Variants in TENM2 observed in about 807,000 individuals in gnomAD.
TENM2 encodes the protein teneurin transmembrane protein 2, also known as teneurin-2.
In TENM2, 52 loss-of-function variants were observed where a neutral mutation model predicts 245.2. That is an observed-to-expected ratio of 0.21 (90% CI 0.17 to 0.27). TENM2 has a LOEUF of 0.27. Ranked by LOEUF, TENM2 falls within the 10% of genes least tolerant of loss-of-function variation. TENM2 has a pLI of 1.00. For missense variants in TENM2, 3,046 were observed against 3,666.8 expected, an observed-to-expected ratio of 0.83 and a Z score of 4.37; for synonymous variants, 1,363 against 1,438.9, an observed-to-expected ratio of 0.95 and a Z score of 1.19.
At chr5:167,647,225 C>T (rs1370539619) in intron 2 of TENM2, among the ~76,000 whole-genome samples, 3 of 152,114 alleles carry the variant, frequency 2.0e-5, no homozygotes, top group East Asian at 1.9e-4. Flanking sequence ...AGAGGGAAGG[C>T]TGGTGGAGTT....
chr5:167,415,158 G>A (rs911142481), intron 2 of TENM2, among the ~76,000 whole-genome samples: 10 of 151,934 alleles, frequency 6.6e-5, no homozygotes, highest in South Asian at 2.1e-4. Flanking sequence ...TGACAGGTCC[G>A]CCACAGGAAG....
In TENM2 at chr5:168,203,568, T is replaced by C. The variant is rs1212279232; in HGVS notation, c.3431-121T>C. On this transcript the variant is annotated intron_variant, in intron 17 of 28. Transcript: ENST00000518659. ...CAATCAGCCTGCCTCTTTGAGTGAGTTTTTGGAACAGAATCTGTATTACTG... is the reference window on the plus strand; with the variant it reads ...CAATCAGCCTGCCTCTTTGAGTGAGCTTTTGGAACAGAATCTGTATTACTG... The C allele has an allele frequency of 4.0e-6, 4 of 1,009,082 alleles. No homozygotes were observed. In the East Asian group the frequency reaches 8.2e-5, roughly 21 times the overall value. The allele number at this position is 1,009,082 out of a possible 1,614,324, so 62.5% of individuals were successfully genotyped here. A position where few individuals can be genotyped will look rare whatever the true frequency, so the allele number is the denominator to read the frequency against.
chr5:167,990,824 G>A (rs1377495545), intron 4 of TENM2, among the ~76,000 whole-genome samples: 1 of 152,128 alleles, frequency 6.6e-6, no homozygotes, highest in Admixed American at 6.6e-5. Flanking sequence ...TCTCTGTGAA[G>A]GATTAAAATA....
chr5:167,503,398 T>C (rs1462993652), intron 2 of TENM2, among the ~76,000 whole-genome samples: 1 of 151,518 alleles, frequency 6.6e-6, no homozygotes, highest in East Asian at 1.9e-4. Flanking sequence ...GGATAAAAAA[T>C]GGTACGGGAG....
At chr5:167,783,987 A>G (rs1764388817) in intron 2 of TENM2, among the ~76,000 whole-genome samples, 1 of 152,124 alleles carries the variant, frequency 6.6e-6, no homozygotes, top group Non-Finnish European at 1.5e-5. Flanking sequence ...AGATTGAGGG[A>G]TGCTTGGAAG....
At chr5:167,481,200 T>C (rs912021621) in intron 2 of TENM2, among the ~76,000 whole-genome samples, 7 of 152,220 alleles carry the variant, frequency 4.6e-5, no homozygotes. Flanking sequence ...TGCTGAAGTT[T>C]ACAAGAGATG....
At chr5:167,343,309 T>G (rs1398940610) in intron 1 of TENM2, among the ~76,000 whole-genome samples, 1 of 152,182 alleles carries the variant, frequency 6.6e-6, no homozygotes, top group Admixed American at 6.5e-5. Flanking sequence ...CCTTGAAAAA[T>G]TATACTGGAC....
chr5:167,000,403 A>G, the TENM2 span, among the ~76,000 whole-genome samples: 1 of 152,200 alleles, frequency 6.6e-6, no homozygotes, highest in Admixed American at 6.5e-5. Flanking sequence ...TATGAATCTC[A>G]TTTAAGAGTT....
At chr5:167,474,796 G>A (rs956486304) in intron 2 of TENM2, among the ~76,000 whole-genome samples, 3 of 152,178 alleles carry the variant, frequency 2.0e-5, no homozygotes, top group African/African-American at 2.4e-5. Flanking sequence ...GATTACAGGC[G>A]TGAGCCATTG....
At chr5:167,349,142 A>G (rs775902298) in intron 1 of TENM2, among the ~76,000 whole-genome samples, 5 of 152,188 alleles carry the variant, frequency 3.3e-5, no homozygotes, top group African/African-American at 9.7e-5. Context: ...GACCACTGCC[A>G]TCACTCCAAA....
At chr5:167,928,380 C>T (rs1053114907) in intron 3 of TENM2, among the ~76,000 whole-genome samples, 1 of 152,152 alleles carries the variant, frequency 6.6e-6, no homozygotes, top group Non-Finnish European at 1.5e-5. Flanking sequence ...TGAAGACATT[C>T]ATTTCCTCTA....
intron 2 of TENM2, among the ~76,000 whole-genome samples, chr5:167,494,938 CTA>C (rs1768707892): frequency 6.6e-6 from 1 of 151,982 alleles, no homozygotes; most frequent in Non-Finnish European, 1.5e-5. Context: ...TATACGGCCT[CTA>C]AAATTTATGA....
At chr5:167,696,323 T>G (rs1382511532) in intron 2 of TENM2, among the ~76,000 whole-genome samples, 1 of 152,216 alleles carries the variant, frequency 6.6e-6, no homozygotes, top group East Asian at 1.9e-4. Context: ...AACATACACA[T>G]TTCCTCTGAT....
intron 2 of TENM2, among the ~76,000 whole-genome samples, chr5:167,767,324 T>C (rs1763100452): frequency 6.6e-6 from 1 of 152,202 alleles, no homozygotes; most frequent in African/African-American, 2.4e-5. Context: ...ATGATTCTAC[T>C]TAAATGAGAC....
At chr5:167,515,172 G>A (rs76484431) in intron 2 of TENM2, among the ~76,000 whole-genome samples, 94 of 152,210 alleles carry the variant, frequency 6.2e-4, no homozygotes, top group African/African-American at 2.1e-3. Flanking sequence ...GATAGATAAT[G>A]TCATTGGCAA....
At chr5:167,408,737 G>A (rs899199377) in intron 2 of TENM2, among the ~76,000 whole-genome samples, 2 of 151,290 alleles carry the variant, frequency 1.3e-5, no homozygotes, top group African/African-American at 4.8e-5. Context: ...TATCAGCCAA[G>A]ACATAGTATT....
intron 2 of TENM2, among the ~76,000 whole-genome samples, chr5:167,560,486 A>C (rs1478781487): frequency 6.6e-6 from 1 of 152,124 alleles, no homozygotes; most frequent in African/African-American, 2.4e-5. Flanking sequence ...GGTAGTATGT[A>C]CACCAGAAAG....
At chr5:167,976,961 A>C (rs1341724697) in intron 4 of TENM2, among the ~76,000 whole-genome samples, 1 of 152,226 alleles carries the variant, frequency 6.6e-6, no homozygotes, top group East Asian at 1.9e-4. Context: ...GATGTGGTAC[A>C]TATACACCAT....
rs1380894083 is a variant in TENM2, at chr5:168,238,299, GAAAAA to G, written c.5521-6119_5521-6115del. On this transcript the variant is annotated intron_variant, in intron 25 of 28. Transcript: ENST00000518659. ...GAAAAGAAAAGAAAAGAAAAGAAAA[GAAAAA>G]ATCCCAGAAGACTGACCCGGAAAGA... is the stretch of plus-strand genomic sequence containing the variant. 2.6e-3 allele frequency among the ~76,000 whole-genome samples: 375 copies of G among 143,220 alleles called. 6 individuals are homozygous for G. The highest frequency in any genetic ancestry group is 8.0e-3 in the African/African-American group (307 of 38,154). 94.0% of individuals were successfully genotyped at this position (143,220 alleles called of 152,430 possible). A position where few individuals can be genotyped will look rare whatever the true frequency, so the allele number is the denominator to read the frequency against.
Sources: allele counts gnomAD v4.1 joint callset (sites outside exome capture counted in the v4.1 genomes callset), GRCh38; gene constraint gnomAD v4.1.1; transcripts MANE v1.5; gene names NCBI Gene and HGNC (gene_info 2026-07-23, HGNC 2026-07-21).